NFXL1: variants seen among roughly 807,000 people sequenced by gnomAD.
NFXL1 encodes nuclear transcription factor, X-box binding like 1, also known as NF-X1-type zinc finger protein NFXL1.
NFXL1 carries 66 observed loss-of-function variants against 123.3 expected under a neutral mutation model. That is an observed-to-expected ratio of 0.54 (90% CI 0.44 to 0.66). The LOEUF (loss-of-function observed/expected upper bound fraction) is 0.66. Among genes scored for constraint, NFXL1 ranks in the 30% least tolerant of loss-of-function variants. The pLI is 0.00. For missense variants in NFXL1, 944 were observed against 1,125.6 expected, an observed-to-expected ratio of 0.84 and a Z score of 2.31; for synonymous variants, 346 against 360.8, an observed-to-expected ratio of 0.96 and a Z score of 0.46.
chr4:47,870,175 C>T (rs1735345717), intron 18 of NFXL1, among the ~76,000 whole-genome samples: 2 of 152,034 alleles, frequency 1.3e-5, no homozygotes, highest in Non-Finnish European at 1.5e-5. Flanking sequence ...AAGGAAATAG[C>T]CAAGTTTATT....
At chr4:47,888,867 A>C (rs541594632) in intron 12 of NFXL1, among the ~76,000 whole-genome samples, 1 of 152,318 alleles carries the variant, frequency 6.6e-6, no homozygotes, top group East Asian at 1.9e-4. Flanking sequence ...TAAAAAATGA[A>C]GTTACTTATG....
chr4:47,910,850 G>A lies in NFXL1; in HGVS notation c.380C>T (p.Thr127Met), dbSNP rs1451919026. Residue 127 changes from threonine (T) to methionine (M), a missense_variant, in exon 3 of 23, where the codon ACG becomes ATG. This residue lies in a region of NFXL1 where 303 missense variants were observed against 292.1 expected (regional missense o/e 1.04). Coordinates refer to ENST00000507489, the MANE Select transcript of NFXL1 (RefSeq NM_001278624.2). Reference protein sequence around the residue: ...EGKQGKILANTFITYTTQTDG... With the variant: ...EGKQGKILANMFITYTTQTDG... ...TGTCTGAGTAGTGTATGTTATAAACGTATTTGCAAGTATTTTTCCCTGTTT... is the reference window on the plus strand; with the variant it reads ...TGTCTGAGTAGTGTATGTTATAAACATATTTGCAAGTATTTTTCCCTGTTT... 6.3e-7 allele frequency: 1 copy of A among 1,597,398 alleles called. No individual in the cohort carries two copies. Among genetic ancestry groups the A allele is most frequent in the Admixed American group, 1.8e-5 (1 of 56,948 alleles).
At position 47,899,567 on chromosome 4, in the gene NFXL1, T is replaced by G; in HGVS notation, c.648-19A>C. ...TTTTGGACTACAAAGAAGAAGAAAA[T>G]TATTAAAGCTAACTTCACCTTTAAA... On this transcript the variant is annotated intron_variant, in intron 5 of 22. Coordinates refer to ENST00000507489, the MANE Select transcript of NFXL1 (RefSeq NM_001278624.2). 6.5e-7 allele frequency: 1 copy of G among 1,535,532 alleles called. No homozygotes were observed. Among genetic ancestry groups the G allele is most frequent in the Admixed American group, 1.7e-5 (1 of 58,882 alleles).
In NFXL1 at chr4:47,885,582, T is replaced by C; in HGVS notation, c.1740A>G (p.Gln580=). ...CHFGSCPPCH[Q]PCQKVLEKCG... ...ATTTCTCCAAAACTTTTTGGCAAGGTTGATGACATGGTGGACAAGAACCAA... is the reference window on the plus strand; with the variant it reads ...ATTTCTCCAAAACTTTTTGGCAAGGCTGATGACATGGTGGACAAGAACCAA... Residue 580 remains glutamine, a synonymous_variant, in exon 14 of 23, where the codon CAA becomes CAG. Transcript: ENST00000507489. 1 of 1,614,006 alleles carries C rather than the reference T, an allele frequency of 6.2e-7. No individual in the cohort carries two copies.
chr4:47,859,686 C>T (rs1203441517), intron 19 of NFXL1, among the ~76,000 whole-genome samples: 1 of 151,462 alleles, frequency 6.6e-6, no homozygotes, highest in East Asian at 1.9e-4. Flanking sequence ...ACTAAAAATA[C>T]AAAAAATTTG....
intron 5 of NFXL1, among the ~76,000 whole-genome samples, chr4:47,899,779 T>C (rs1412280768): frequency 6.6e-6 from 1 of 152,230 alleles, no homozygotes; most frequent in Non-Finnish European, 1.5e-5. Flanking sequence ...ATACTGGGAT[T>C]GTCCAATACA....
chr4:47,877,161 T>A (rs762892486), intron 17 of NFXL1: 1 of 477,180 alleles, frequency 2.1e-6, no homozygotes, highest in African/African-American at 2.0e-5. Flanking sequence ...TGCAGAATCA[T>A]GGACAAATCA....
At chr4:47,908,859 G>C (rs2110108576) in intron 3 of NFXL1, among the ~76,000 whole-genome samples, 1 of 150,516 alleles carries the variant, frequency 6.6e-6, no homozygotes, top group Non-Finnish European at 1.5e-5. Context: ...GGAGGCTGAG[G>C]CAGGAGATTG....
chr4:47,848,417 G>A, intron 22 of NFXL1, 81 bp from the exon 23 acceptor site: 1 of 1,121,140 alleles, frequency 8.9e-7, no homozygotes, highest in Non-Finnish European at 1.3e-6. Flanking sequence ...AAATCAATTT[G>A]GGTAATGTTT....
chr4:47,914,015 C>A lies in NFXL1; in HGVS notation c.189G>T (p.Arg63Ser), dbSNP rs1204081819. The A allele has an allele frequency of 6.5e-7, 1 of 1,548,510 alleles. No homozygotes were observed. The change falls in exon 2 of 23, where the codon AGG (arginine) becomes AGT (serine). Residue 63 changes from arginine to serine, a missense_variant. By Grantham distance (110) the Arg-to-Ser change is moderately radical. This residue lies in a region of NFXL1 where 303 missense variants were observed against 292.1 expected (regional missense o/e 1.04). Transcript: ENST00000507489. ...GGGCTTGGGATCCTGCGGGGCTGTG[C>A]CTGCTCCCTGCAGCCGCCGTGGTCG... is the stretch of plus-strand genomic sequence containing the variant. Reference protein sequence around the residue: ...GVATTAAAGSRHSPAGSQALQ... With the variant: ...GVATTAAAGSSHSPAGSQALQ...
At chr4:47,888,204 T>C (rs1736559576) in intron 12 of NFXL1, among the ~76,000 whole-genome samples, 1 of 151,878 alleles carries the variant, frequency 6.6e-6, no homozygotes, top group Non-Finnish European at 1.5e-5. Flanking sequence ...AAATGGGGAG[T>C]CAGAGGTTGC....
In NFXL1 at chr4:47,847,473, T is replaced by C. The variant is rs1478371878; in HGVS notation, c.*690A>G. On this transcript the variant is annotated 3_prime_UTR_variant, in exon 23 of 23. Coordinates refer to ENST00000507489, the MANE Select transcript of NFXL1 (RefSeq NM_001278624.2). ...AGCACATATTCTTCATAAATACTCA[T>C]CTTCCTTTTATTATTTTTAAAAGAC... The C allele has an allele frequency of 1.3e-5, 2 of 152,212 alleles. No individual in the cohort carries two copies. The highest frequency in any genetic ancestry group is 1.9e-4 in the East Asian group (1 of 5,200). 9.4% of individuals were successfully genotyped at this position (152,212 alleles called of 1,614,324 possible).
intron 20 of NFXL1, among the ~76,000 whole-genome samples, chr4:47,854,781 T>C (rs186402301): frequency 6.6e-6 from 1 of 152,098 alleles, no homozygotes; most frequent in East Asian, 1.9e-4. Context: ...AAACAGGGCA[T>C]TGAATTTGGT....
intron 3 of NFXL1, among the ~76,000 whole-genome samples, chr4:47,907,487 C>T (rs1340873965): frequency 6.6e-6 from 1 of 152,114 alleles, no homozygotes; most frequent in Non-Finnish European, 1.5e-5. Context: ...AGAAGAATCA[C>T]AAAAATGCAA....
intron 18 of NFXL1, among the ~76,000 whole-genome samples, chr4:47,873,891 A>G (rs986929471): frequency 6.6e-6 from 1 of 152,224 alleles, no homozygotes; most frequent in Non-Finnish European, 1.5e-5. Flanking sequence ...ACCTTCATCA[A>G]TGATCTTATC....
intron 19 of NFXL1, among the ~76,000 whole-genome samples, chr4:47,856,825 A>C (rs1211605261): frequency 2.6e-5 from 4 of 152,184 alleles, no homozygotes; most frequent in Non-Finnish European, 4.4e-5. Flanking sequence ...TGGACACTGA[A>C]TACTACTTAA....
chr4:47,894,037 A>T lies in NFXL1; in HGVS notation c.1452+143T>A, dbSNP rs1736931542. On this transcript the variant is annotated intron_variant, in intron 11 of 22. Transcript: ENST00000507489. The stretch of plus-strand genomic sequence containing the variant: ...ACAAAAATTACCTAGATTAAGCTTA[A>T]TCTAGAATATTTATTAATATATTAA... The T allele has an allele frequency of 1.7e-5, 8 of 476,588 alleles. No individual in the cohort carries two copies. In the East Asian group the frequency reaches 2.1e-4, roughly 12 times the overall value. The allele number at this position is 476,588 out of a possible 1,614,324, so 29.5% of individuals were successfully genotyped here.
intron 19 of NFXL1, among the ~76,000 whole-genome samples, chr4:47,859,169 A>G (rs1323914647): frequency 1.3e-5 from 2 of 152,166 alleles, no homozygotes; most frequent in African/African-American, 4.8e-5. Context: ...CTCAGCCCTC[A>G]ACATCATTCT....
chr4:47,908,991 GA>G (rs1429078893), intron 3 of NFXL1, among the ~76,000 whole-genome samples: 115 of 140,646 alleles, frequency 8.2e-4, no homozygotes, highest in African/African-American at 2.9e-3. Flanking sequence ...TTTTTTAAAA[GA>G]AAGCAGCAGT....
Sources: gnomAD v4.1 joint callset for allele counts (sites outside exome capture counted in the v4.1 genomes callset) on GRCh38, gnomAD v4.1.1 for gene constraint, gnomAD v4.1.1 regional missense constraint, MANE v1.5 for transcripts, NCBI Gene and HGNC (gene_info 2026-07-23, HGNC 2026-07-21) for gene names.